HERC1: variants seen among roughly 807,000 people sequenced by gnomAD.
The protein encoded by HERC1 is probable E3 ubiquitin-protein ligase HERC1.
HERC1 carries 160 observed loss-of-function variants against 554.3 expected under a neutral mutation model. The ratio of observed to expected loss-of-function variants is 0.29; its 90% confidence interval spans 0.25 to 0.33. HERC1 has a LOEUF of 0.33. HERC1 is among the 10% of genes least tolerant of loss of function. HERC1 has a pLI of 1.00. For synonymous variants in HERC1, 2,175 were observed against 2,131.7 expected, an observed-to-expected ratio of 1.02 and a Z score of -0.56; for missense variants, 4,919 against 5,918.5, an observed-to-expected ratio of 0.83 and a Z score of 5.54.
intron 1 of HERC1, among the ~76,000 whole-genome samples, chr15:63,782,069 TA>T (rs1305020390): frequency 1.3e-5 from 2 of 152,166 alleles, no homozygotes; most frequent in Non-Finnish European, 2.9e-5. Flanking sequence ...CTCCACAACA[TA>T]AAAGTGCAAG....
intron 2 of HERC1, among the ~76,000 whole-genome samples, chr15:63,767,130 T>G (rs2075806306): frequency 6.6e-6 from 1 of 151,956 alleles, no homozygotes; most frequent in Non-Finnish European, 1.5e-5. Context: ...GCCTCCCAAG[T>G]AGCTGGATTA....
chr15:63,657,260 GTT>G (rs770864894), intron 48 of HERC1, among the ~76,000 whole-genome samples: 5 of 124,778 alleles, frequency 4.0e-5, no homozygotes, highest in Non-Finnish European at 6.8e-5. Context: ...TTTGTCTTAG[GTT>G]TTTTTTTTTT....
chr15:63,706,855 A>C (rs1324011544), intron 24 of HERC1, 24 bp from the exon 25 acceptor site: 3 of 1,451,690 alleles, frequency 2.1e-6, no homozygotes, highest in Non-Finnish European at 2.8e-6. Flanking sequence ...AAAGTAAATA[A>C]ATAAAATTTA....
At position 63,733,120 on chromosome 15, in the gene HERC1, G is replaced by A. The variant is rs2074363939; in HGVS notation, c.2672C>T (p.Thr891Ile). The change falls in exon 14 of 78, where the codon ACA becomes ATA. Residue 891 changes from threonine to isoleucine, a missense_variant. Around this residue, in one of 11 missense-constraint regions of HERC1, gnomAD observed 744 missense variants for 1,090.0 expected, o/e 0.68. Transcript: ENST00000443617. The stretch of plus-strand genomic sequence containing the variant: ...TACGTGGGTATGATCTTGCAAACTT[G>A]TCAGGATGATATCCAGTTGCATTCT... ...GQRMQLDIILTSLQDHTHVAS... is the reference protein window; with the variant it reads ...GQRMQLDIILISLQDHTHVAS... The A allele has an allele frequency of 6.2e-7, 1 of 1,613,150 alleles. No individual in the cohort carries two copies. The highest frequency in any genetic ancestry group is 8.5e-7 in the Non-Finnish European group (1 of 1,179,158).
At chr15:63,793,908 T>C (rs1198225107) in intron 1 of HERC1, among the ~76,000 whole-genome samples, 1 of 152,046 alleles carries the variant, frequency 6.6e-6, no homozygotes, top group Non-Finnish European at 1.5e-5. Flanking sequence ...AGCCACAGGA[T>C]GAGATAGGAG....
At position 63,609,095 on chromosome 15, in the gene HERC1, C is replaced by A; in HGVS notation, c.14572G>T (p.Asp4858Tyr). 1 of 1,613,236 alleles carries A rather than the reference C, an allele frequency of 6.2e-7. No homozygotes were observed. Among genetic ancestry groups the A allele is most frequent in the South Asian group, 1.1e-5 (1 of 90,860 alleles). ...CACCCGCACGGTCAGTAGTCAGTGT[C>A]GGAGCCCTCGGCGTTGTCCACGTTT... ...SRNVDNAEGS[D>Y]TDY The change falls in exon 78 of 78, where the codon GAC (aspartate) becomes TAC (tyrosine). Residue 4858 changes from aspartate (D) to tyrosine (Y), a missense_variant. Physicochemically the swap from Asp to Tyr is radical, Grantham distance 160 (BLOSUM62 -3). This residue lies in a region of HERC1 where 71 missense variants were observed against 101.4 expected (regional missense o/e 0.70). Transcript: ENST00000443617.
intron 3 of HERC1, among the ~76,000 whole-genome samples, chr15:63,761,103 A>G (rs1280307711): frequency 6.6e-6 from 1 of 152,214 alleles, no homozygotes; most frequent in Admixed American, 6.5e-5. Context: ...GACATTCAAG[A>G]ATAAAGAGCA....
At chr15:63,656,403 T>C (rs2070036944) in intron 48 of HERC1, 45 bp from the exon 49 acceptor site, 1 of 1,552,272 alleles carries the variant, frequency 6.4e-7, no homozygotes, top group Non-Finnish European at 8.8e-7. Context: ...GAAAATGGAT[T>C]TCTTAAGGGA....
chr15:63,613,148 T>C (rs899979662), intron 76 of HERC1, among the ~76,000 whole-genome samples: 1 of 152,222 alleles, frequency 6.6e-6, no homozygotes, highest in Admixed American at 6.5e-5. Context: ...ACTTGGGTTC[T>C]AACTCCCAGC....
Position 63,641,677 on chromosome 15 carries a change from T to C in HERC1, c.11434-34A>G, listed in dbSNP as rs576816798. ...AAATAAATCATGCCACATAATAAAT[T>C]TGTTTAAATAAAAAATAATGCTATC... On this transcript the variant is annotated intron_variant, in intron 59 of 77. Coordinates refer to ENST00000443617, the MANE Select transcript of HERC1 (RefSeq NM_003922.4). 36 of 1,484,884 alleles carry C rather than the reference T, an allele frequency of 2.4e-5. No homozygotes were observed. In the East Asian group the frequency reaches 7.1e-4, roughly 29 times the overall value. 92.0% of individuals were successfully genotyped at this position (1,484,884 alleles called of 1,614,324 possible).
chr15:63,801,253 T>C (rs748179905), intron 1 of HERC1, among the ~76,000 whole-genome samples: 1 of 152,174 alleles, frequency 6.6e-6, no homozygotes, highest in African/African-American at 2.4e-5. Flanking sequence ...TACTCAAAGG[T>C]GAGGGGGTAG....
In HERC1 at chr15:63,616,434, T is replaced by C. The variant is rs766166772; in HGVS notation, c.13937A>G (p.His4646Arg). Residue 4646 changes from histidine to arginine, a missense_variant, in exon 75 of 78, where the codon CAT becomes CGT. His to Arg is a conservative substitution (Grantham distance 29). This residue lies in a region of HERC1 where 284 missense variants were observed against 294.1 expected (regional missense o/e 0.97). Coordinates refer to ENST00000443617, the MANE Select transcript of HERC1 (RefSeq NM_003922.4). ...CATAGACTGGCCAGGATTTACCTCA[T>C]GGAAACTCTCCTCGGTAATCCCACT... is the stretch of plus-strand genomic sequence containing the variant. ...EDSGITEESF[H>R]EMIPLDSFVG... 6.8e-6 allele frequency: 11 copies of C among 1,612,788 alleles called. No homozygotes were observed. Among genetic ancestry groups the C allele is most frequent in the African/African-American group, 1.3e-5 (1 of 74,910 alleles).
intron 1 of HERC1, 76 bp downstream of exon 1, chr15:63,833,751 G>GCACACACACACACACACA (rs1327103352): frequency 4.1e-5 from 3 of 72,320 alleles, no homozygotes; most frequent in African/African-American, 9.2e-5. Flanking sequence ...ACACGCGCGC[G>GCACACACACACACACACA]CGCACACACA....
At position 63,609,108 on chromosome 15, in the gene HERC1, G is replaced by A. The variant is rs2228518; in HGVS notation, c.14559C>T (p.Asn4853=). Residue 4853 remains asparagine, a synonymous_variant, in exon 78 of 78, where the codon AAC becomes AAT. Coordinates refer to ENST00000443617, the MANE Select transcript of HERC1 (RefSeq NM_003922.4). ...DNYMLSRNVD[N]AEGSDTDY The stretch of plus-strand genomic sequence containing the variant: ...AGTAGTCAGTGTCGGAGCCCTCGGC[G>A]TTGTCCACGTTTCTCGAGAGCATGT... The A allele has an allele frequency of 1.7e-3, 2,721 of 1,613,770 alleles. 44 individuals carry two copies. In the African/African-American group the frequency reaches 0.032, roughly 19 times the overall value.
In HERC1 at chr15:63,723,179, T is replaced by C; in HGVS notation, c.3742+3A>G. On this transcript the variant is annotated splice_donor_region_variant and intron_variant, in intron 19 of 77. Coordinates refer to ENST00000443617, the MANE Select transcript of HERC1 (RefSeq NM_003922.4). ...TTTACTCCCTTTATCTTCTTTATCT[T>C]ACCTTTACTAACAGCATAGTCCTGC... 3 of 1,443,014 alleles carry C rather than the reference T, an allele frequency of 2.1e-6. No individual in the cohort carries two copies. Among genetic ancestry groups the C allele is most frequent in the Non-Finnish European group, 2.8e-6 (3 of 1,087,944 alleles). 89.4% of individuals were successfully genotyped at this position (1,443,014 alleles called of 1,614,324 possible).
chr15:63,718,642 G>A lies in HERC1; in HGVS notation c.3910C>T (p.Arg1304Ter), dbSNP rs896172842. Reference sequence around the variant, plus strand: ...TTCTTGCAAGCAAGTAAACGACTTCGAACTTTGTATACACAACGGTACACT... The same window carrying A: ...TTCTTGCAAGCAAGTAAACGACTTCAAACTTTGTATACACAACGGTACACT... ...SEVYRCVYKVRSRLLACKNLE... is the reference protein window; with the variant it reads ...SEVYRCVYKV Residue 1304 changes from arginine (R) to a stop codon, truncating the protein, a stop_gained, in exon 21 of 78, where the codon CGA becomes TGA. Coordinates refer to ENST00000443617, the MANE Select transcript of HERC1 (RefSeq NM_003922.4). LOFTEE classifies it high-confidence loss of function. This position sits in a 1 kb window ranked among gnomAD's most constrained non-coding sequence, Gnocchi z 4.2. 2 of 1,596,148 alleles carry A rather than the reference G, an allele frequency of 1.3e-6. No individual in the cohort carries two copies. The highest frequency in any genetic ancestry group is 1.7e-6 in the Non-Finnish European group (2 of 1,169,652).
chr15:63,819,037 G>A (rs955210223), intron 1 of HERC1, among the ~76,000 whole-genome samples: 25 of 152,058 alleles, frequency 1.6e-4, no homozygotes, highest in African/African-American at 6.0e-4. Flanking sequence ...AGCCATCTTG[G>A]CCCATTCGTA....
intron 7 of HERC1, 30 bp from the exon 8 acceptor site, chr15:63,753,115 C>T (rs1347985699): frequency 6.6e-7 from 1 of 1,523,046 alleles, no homozygotes; most frequent in South Asian, 1.3e-5. Context: ...AAACAATTTA[C>T]TTGTTTTAAA....
At chr15:63,709,422 C>T (rs1222959294) in intron 24 of HERC1, among the ~76,000 whole-genome samples, 2 of 152,128 alleles carry the variant, frequency 1.3e-5, no homozygotes, top group Non-Finnish European at 2.9e-5. Context: ...CTCAATCCTC[C>T]TCCATTGATC....
Sources: gnomAD v4.1 joint callset for allele counts (sites outside exome capture counted in the v4.1 genomes callset) on GRCh38, gnomAD v4.1.1 for gene constraint, gnomAD v4.1.1 regional missense constraint, Gnocchi (gnomAD v3.1) non-coding constraint, MANE v1.5 for transcripts, NCBI Gene and HGNC (gene_info 2026-07-23, HGNC 2026-07-21) for gene names.